FGF5: variants seen among roughly 807,000 people sequenced by gnomAD.
The protein encoded by FGF5 is fibroblast growth factor 5.
A neutral mutation model predicts 21.8 loss-of-function variants in FGF5; 23 were observed. That is an observed-to-expected ratio of 1.05 (90% CI 0.76 to 1.49). The LOEUF (loss-of-function observed/expected upper bound fraction) is 1.49, where lower values mean the gene tolerates loss of function less well. Among genes scored for constraint, FGF5 ranks in the 40% most tolerant of loss-of-function variants. FGF5 has a pLI of 0.00. For missense variants in FGF5, 352 were observed against 332.9 expected, an observed-to-expected ratio of 1.06 and a Z score of -0.45; for synonymous variants, 158 against 124.0, an observed-to-expected ratio of 1.27 and a Z score of -1.82.
Position 80,267,137 on chromosome 4 carries a change from C to A in FGF5, c.313C>A (p.Pro105Thr), listed in dbSNP as rs1249120350. 6.2e-7 allele frequency: 1 copy of A among 1,612,892 alleles called. No homozygotes were observed. The highest frequency in any genetic ancestry group is 1.3e-5 in the African/African-American group (1 of 74,858). ...CATCGGTTTCCATCTGCAGATCTAC[C>A]CGGATGGCAAAGTCAATGGATCCCA... The part of the protein sequence containing the change: ...VGIGFHLQIY[P>T]DGKVNGSHEA... The change falls in exon 1 of 3, where the codon CCG (proline) becomes ACG (threonine). Residue 105 changes from proline to threonine, a missense_variant. By Grantham distance (38) the Pro-to-Thr change is conservative. Transcript: ENST00000312465.
At chr4:80,271,052 C>G (rs1441586980) in intron 1 of FGF5, among the ~76,000 whole-genome samples, 1 of 152,144 alleles carries the variant, frequency 6.6e-6, no homozygotes, top group East Asian at 1.9e-4. Flanking sequence ...TTTGTGGATG[C>G]AAGTAGAGAA....
Position 80,267,001 on chromosome 4 carries a change from C to T in FGF5, c.177C>T (p.Ala59=), listed in dbSNP as rs985641232. The T allele has an allele frequency of 2.5e-5, 40 of 1,614,074 alleles. No homozygotes were observed. Among genetic ancestry groups the T allele is most frequent in the Non-Finnish European group, 3.1e-5 (37 of 1,180,040 alleles). Residue 59 remains alanine (A), a synonymous_variant, in exon 1 of 3, where the codon GCC becomes GCT. Transcript: ENST00000312465. ...GTAGCGCTATGTCTTCCTCTTCTGC[C>T]TCCTCCTCCCCCGCAGCTTCTCTGG... ...SSSSAMSSSS[A]SSSPAASLGS... is the part of the protein sequence containing the mutation.
chr4:80,269,080 C>T (rs1341147239), intron 1 of FGF5, among the ~76,000 whole-genome samples: 2 of 152,140 alleles, frequency 1.3e-5, no homozygotes, highest in African/African-American at 2.4e-5. Flanking sequence ...TGTAACGACC[C>T]GTGGAGTCAT....
chr4:80,269,332 G>C (rs1291348287), intron 1 of FGF5, among the ~76,000 whole-genome samples: 2 of 152,166 alleles, frequency 1.3e-5, no homozygotes, highest in African/African-American at 4.8e-5. Flanking sequence ...AGGTGTGCTA[G>C]AGATCTCAGA....
Position 80,266,698 on chromosome 4 carries a change from T to G in FGF5, c.-127T>G, listed in dbSNP as rs1720096763. The stretch of plus-strand genomic sequence containing the variant: ...GCCTCTCTCTTCCCCTCTCCCCTTC[T>G]CTTCCCCGAGGCTATGTCCACCCGG... On this transcript the variant is annotated 5_prime_UTR_variant, in exon 1 of 3. Coordinates refer to ENST00000312465, the MANE Select transcript of FGF5 (RefSeq NM_004464.4). 1 of 801,148 alleles carries G rather than the reference T, an allele frequency of 1.2e-6. No homozygotes were observed. 49.6% of individuals were successfully genotyped at this position (801,148 alleles called of 1,614,324 possible).
intron 2 of FGF5, among the ~76,000 whole-genome samples, chr4:80,284,454 A>G (rs556967246): frequency 6.5e-4 from 87 of 134,352 alleles, no homozygotes; most frequent in Non-Finnish European, 1.3e-3. Flanking sequence ...ACAATAACAA[A>G]ACAACAACAA....
chr4:80,268,397 G>A, intron 1 of FGF5: 1 of 711,940 alleles, frequency 1.4e-6, no homozygotes, highest in Non-Finnish European at 1.7e-6. Flanking sequence ...CCTGGTTTCA[G>A]TGTCAGCCTG....
intron 1 of FGF5, among the ~76,000 whole-genome samples, chr4:80,270,161 C>T (rs1210049167): frequency 1.3e-5 from 2 of 152,196 alleles, no homozygotes; most frequent in Non-Finnish European, 2.9e-5. Flanking sequence ...TCAGTTTGAT[C>T]TCATCTTCTA....
intron 1 of FGF5, among the ~76,000 whole-genome samples, chr4:80,274,088 A>G (rs774166298): frequency 3.1e-4 from 47 of 152,192 alleles, no homozygotes; most frequent in Non-Finnish European, 6.5e-4. Flanking sequence ...TATGTGTTTT[A>G]TCTTATTAAA....
intron 2 of FGF5, among the ~76,000 whole-genome samples, chr4:80,285,908 T>C (rs1385963229): frequency 6.6e-6 from 1 of 152,222 alleles, no homozygotes; most frequent in Non-Finnish European, 1.5e-5. Flanking sequence ...CAGGAATTTA[T>C]ATTTTACCAG....
At chr4:80,266,649 C>G, upstream of FGF5, 1 of 595,680 alleles carries the variant, frequency 1.7e-6, no homozygotes, top group African/African-American at 1.9e-5. Flanking sequence ...TATCCCGGTG[C>G]CAGCGCGGAG....
chr4:80,268,535 AG>A, intron 1 of FGF5: 6 of 986,154 alleles, frequency 6.1e-6, no homozygotes, highest in Non-Finnish European at 7.2e-6. Context: ...GGCAGCCAGC[AG>A]TCTCCAGAGG....
rs761416300 is a variant in FGF5 at position 80,286,409 on chromosome 4, G to GA, written c.550dup (p.Thr184AsnfsTer11). The GA allele has an allele frequency of 9.3e-6, 15 of 1,613,894 alleles. No individual in the cohort carries two copies. In the South Asian group the frequency reaches 1.4e-4, roughly 15 times the overall value. ...CTATGCCTCAGCAATACATAGAACT[G>GA]AAAAAACAGGGCGGGAGTGGTATGT... On this transcript the variant is annotated frameshift_variant, in exon 3 of 3. Transcript: ENST00000312465. LOFTEE classifies it high-confidence loss of function.
At chr4:80,273,825 G>T (rs535904944) in intron 1 of FGF5, among the ~76,000 whole-genome samples, 1 of 152,016 alleles carries the variant, frequency 6.6e-6, no homozygotes, top group African/African-American at 2.4e-5. Context: ...AATTACAGGC[G>T]TGAGCTACTG....
rs754827925 is a variant in FGF5 at position 80,286,594 on chromosome 4, C to G, written c.729C>G (p.Ile243Met). Residue 243 changes from isoleucine to methionine, a missense_variant, in exon 3 of 3, where the codon ATC (isoleucine) becomes ATG (methionine). Ile to Met is a conservative substitution (Grantham distance 10, BLOSUM62 1). Transcript: ENST00000312465. ...VPEKKKPPSP[I>M]KPKIPLSAPR... Reference sequence around the variant, plus strand: ...AAAAGAAAAAGCCACCTAGCCCTATCAAGCCAAAGATTCCCCTTTCTGCAC... The same window carrying G: ...AAAAGAAAAAGCCACCTAGCCCTATGAAGCCAAAGATTCCCCTTTCTGCAC... 5.0e-6 allele frequency: 8 copies of G among 1,614,070 alleles called. No individual in the cohort carries two copies. Among genetic ancestry groups the G allele is most frequent in the Non-Finnish European group, 6.8e-6 (8 of 1,179,968 alleles).
rs1409294485 is a variant in FGF5, at chr4:80,290,246, C to T, written c.*3574C>T. The T allele has an allele frequency of 6.6e-6, 1 of 152,084 alleles. No homozygotes were observed. The highest frequency in any genetic ancestry group is 1.9e-4 in the East Asian group (1 of 5,192). The allele number at this position is 152,084 out of a possible 1,614,324, so 9.4% of individuals were successfully genotyped here. ...TCCTTTAAGATTTACTTAATTGCTA[C>T]ATCTAAATTCTGATAATTTAAAATC... On this transcript the variant is annotated 3_prime_UTR_variant, in exon 3 of 3. Transcript: ENST00000312465.
rs548602803 is a variant in FGF5, at chr4:80,286,358, C to T, written c.493C>T (p.Arg165Cys). 14 of 1,598,546 alleles carry T rather than the reference C, an allele frequency of 8.8e-6. No individual in the cohort carries two copies. Among genetic ancestry groups the T allele is most frequent in the Admixed American group, 1.7e-5 (1 of 57,892 alleles). The change falls in exon 3 of 3, where the codon CGT becomes TGT. Residue 165 changes from arginine to cysteine, a missense_variant. Coordinates refer to ENST00000312465, the MANE Select transcript of FGF5 (RefSeq NM_004464.4). ...KFTDDCKFRE[R>C]FQENSYNTYA... The stretch of plus-strand genomic sequence containing the variant: ...CACAGATGACTGCAAGTTCAGGGAG[C>T]GTTTTCAAGAAAATAGCTATAATAC...
chr4:80,270,010 T>C (rs1720224029), intron 1 of FGF5, among the ~76,000 whole-genome samples: 1 of 152,266 alleles, frequency 6.6e-6, no homozygotes, highest in South Asian at 2.1e-4. Context: ...CATTTACCTC[T>C]TTGAAGGCAG....
chr4:80,269,346 C>T (rs1345427313), intron 1 of FGF5, among the ~76,000 whole-genome samples: 1 of 152,108 alleles, frequency 6.6e-6, no homozygotes, highest in East Asian at 1.9e-4. Flanking sequence ...TCTCAGAAAG[C>T]AAGGCTCATT....
Sources: gnomAD v4.1 joint callset for allele counts (sites outside exome capture counted in the v4.1 genomes callset) on GRCh38, gnomAD v4.1.1 for gene constraint, MANE v1.5 for transcripts, NCBI Gene and HGNC (gene_info 2026-07-23, HGNC 2026-07-21) for gene names.